Variants in ETS1 observed in about 807,000 individuals in gnomAD.
ETS1 encodes ETS proto-oncogene 1, transcription factor, also known as protein C-ets-1.
ETS1 carries 15 observed loss-of-function variants against 58.6 expected under a neutral mutation model. That is an observed-to-expected ratio of 0.26 (90% CI 0.17 to 0.39). The LOEUF is 0.39. ETS1 is among the 10% of genes least tolerant of loss of function. The probability of loss-of-function intolerance (pLI) is 1.00; values close to 1 mark genes in which losing one functional copy is unlikely to be tolerated. For synonymous variants in ETS1, 214 were observed against 218.2 expected (o/e 0.98, Z 0.17); for missense variants, 417 against 610.5 (o/e 0.68, Z 3.34).
chr11:128,521,834 G>T, intron 3 of ETS1: 1 of 1,157,456 alleles, frequency 8.6e-7, no homozygotes. Context: ...GAAGGGAACG[G>T]CGAAAGGGGG....
At chr11:128,469,280 C>A (rs73029052) in intron 8 of ETS1, among the ~76,000 whole-genome samples, 15,724 of 152,278 alleles carry the variant, frequency 0.1, 1,156 homozygotes, top group Non-Finnish European at 0.16. Flanking sequence ...TGGTTGGTCA[C>A]CCTTGCAATA....
chr11:128,573,267 T>G (rs1864675724), intron 1 of ETS1, 123 bp from the exon 2 acceptor site: 1 of 660,348 alleles, frequency 1.5e-6, no homozygotes, highest in Admixed American at 2.4e-5. Flanking sequence ...TTCACTTCTT[T>G]GCATGGCAGG....
At chr11:128,491,083 C>G (rs970122725) in intron 3 of ETS1, among the ~76,000 whole-genome samples, 4 of 152,124 alleles carry the variant, frequency 2.6e-5, no homozygotes, top group African/African-American at 9.7e-5. Context: ...GCATCCCTGA[C>G]AAACAAATAT....
chr11:128,464,863 C>G lies in ETS1; in HGVS notation c.1124-1236G>C, dbSNP rs770170793. Among the ~76,000 whole-genome samples, 2 of 152,204 alleles carry G rather than the reference C, an allele frequency of 1.3e-5. No homozygotes were observed. The highest frequency in any genetic ancestry group is 2.9e-5 in the Non-Finnish European group (2 of 68,030). On this transcript the variant is annotated intron_variant, in intron 8 of 9. Transcript: ENST00000392668. This position sits in a 1 kb window ranked among gnomAD's most constrained non-coding sequence, Gnocchi z 4.1. ...TATTTCTACAAGACATTTTCACATGCATCGTTGTGCTTGCTCCTAAAATCC... is the reference window on the plus strand; with the variant it reads ...TATTTCTACAAGACATTTTCACATGGATCGTTGTGCTTGCTCCTAAAATCC...
chr11:128,576,859 C>A (rs1159238408), intron 1 of ETS1, among the ~76,000 whole-genome samples: 1 of 152,132 alleles, frequency 6.6e-6, no homozygotes, highest in African/African-American at 2.4e-5. Context: ...GTGAACCCTG[C>A]CTCCTCAGGG....
Position 128,584,977 on chromosome 11 carries a change from A to AGAAAGAAAGAAAGAAAGGAAG in ETS1, c.-15+2510_-15+2511insCTTCCTTTCTTTCTTTCTTTC, listed in dbSNP as rs1555092866. 2.2e-4 allele frequency among the ~76,000 whole-genome samples: 4 copies of AGAAAGAAAGAAAGAAAGGAAG among 18,382 alleles called. 1 individual carries two copies. Among genetic ancestry groups the AGAAAGAAAGAAAGAAAGGAAG allele is most frequent in the South Asian group, 1.3e-3 (1 of 774 alleles). The allele number at this position is 18,382 out of a possible 152,430, so 12.1% of individuals were successfully genotyped here. On this transcript the variant is annotated intron_variant, in intron 1 of 9. Coordinates refer to ENST00000392668, the MANE Select transcript of ETS1 (RefSeq NM_001143820.2). ...AAGAAAGAAAGAAAGAAAGAAAGAA[A>AGAAAGAAAGAAAGAAAGGAAG]GAAAGAAAGAAAGGAAGGAAGGAAG...
chr11:128,486,013 G>C, intron 6 of ETS1, 56 bp downstream of exon 6: 1 of 1,005,914 alleles, frequency 9.9e-7, no homozygotes, highest in Non-Finnish European at 1.6e-6. Flanking sequence ...ACTGAGATAG[G>C]GGTCTTTTCC....
chr11:128,497,875 A>G (rs1037018958), intron 3 of ETS1, among the ~76,000 whole-genome samples: 14 of 152,212 alleles, frequency 9.2e-5, no homozygotes, highest in African/African-American at 3.4e-4. Context: ...CCGTTCCAGG[A>G]TCCCAGCCAG....
At chr11:128,542,624 G>A (rs1864073552) in intron 3 of ETS1, among the ~76,000 whole-genome samples, 1 of 152,066 alleles carries the variant, frequency 6.6e-6, no homozygotes, top group Non-Finnish European at 1.5e-5. Flanking sequence ...TCCTTAGCCT[G>A]GTGATTGGTA....
intron 8 of ETS1, among the ~76,000 whole-genome samples, chr11:128,479,617 C>T (rs1591600573): frequency 6.6e-6 from 1 of 152,286 alleles, no homozygotes; most frequent in Non-Finnish European, 1.5e-5. Context: ...AGCTTTCGCT[C>T]CTGGAAGAAA....
chr11:128,516,765 T>C (rs969324929), intron 3 of ETS1, among the ~76,000 whole-genome samples: 1 of 152,158 alleles, frequency 6.6e-6, no homozygotes, highest in East Asian at 1.9e-4. Context: ...ATATGAGGCA[T>C]AGGCAGCAAA....
chr11:128,504,187 C>T (rs1294112214), intron 3 of ETS1, among the ~76,000 whole-genome samples: 3 of 152,176 alleles, frequency 2.0e-5, no homozygotes, highest in African/African-American at 7.2e-5. Context: ...ACCTATCATA[C>T]GAGCCTACTC....
chr11:128,560,782 C>T (rs888127259), intron 2 of ETS1, among the ~76,000 whole-genome samples: 1 of 152,044 alleles, frequency 6.6e-6, no homozygotes, highest in Non-Finnish European at 1.5e-5. Flanking sequence ...TAAACCATGG[C>T]CTTAGGAGCG....
intron 2 of ETS1, among the ~76,000 whole-genome samples, chr11:128,572,556 T>C (rs1200728910): frequency 1.3e-5 from 2 of 152,206 alleles, no homozygotes; most frequent in African/African-American, 4.8e-5. Flanking sequence ...AAAAACTTCA[T>C]CCAGTCCTAT....
Position 128,535,460 on chromosome 11 carries a change from T to C in ETS1, c.214+20831A>G, listed in dbSNP as rs190773905. 4.4e-3 allele frequency among the ~76,000 whole-genome samples: 671 copies of C among 152,342 alleles called. 4 individuals are homozygous for C. The highest frequency in any genetic ancestry group is 0.015 in the African/African-American group (616 of 41,578). On this transcript the variant is annotated intron_variant, in intron 3 of 9. Coordinates refer to ENST00000392668, the MANE Select transcript of ETS1 (RefSeq NM_001143820.2). ...GATTCCATTTGTCAATTTCTGCTTTTGTTGAATTGCTTTTGATGTTTTTGT... is the reference window on the plus strand; with the variant it reads ...GATTCCATTTGTCAATTTCTGCTTTCGTTGAATTGCTTTTGATGTTTTTGT...
At chr11:128,528,411 AC>A (rs1863839529) in intron 3 of ETS1, among the ~76,000 whole-genome samples, 1 of 152,180 alleles carries the variant, frequency 6.6e-6, no homozygotes, top group South Asian at 2.1e-4. Context: ...TCTTTTCCTC[AC>A]ATGGACATTT....
chr11:128,475,406 G>T (rs1043359598), intron 8 of ETS1, among the ~76,000 whole-genome samples: 1 of 152,078 alleles, frequency 6.6e-6, no homozygotes, highest in Non-Finnish European at 1.5e-5. Flanking sequence ...ACTCAACTAC[G>T]AGCCAGAACT....
intron 3 of ETS1, among the ~76,000 whole-genome samples, chr11:128,517,090 T>A (rs1863545576): frequency 1.3e-5 from 2 of 152,190 alleles, no homozygotes; most frequent in South Asian, 4.1e-4. Flanking sequence ...TCAAACATCT[T>A]TCTAAAGCAA....
At chr11:128,573,878 A>G (rs1456751698) in intron 1 of ETS1, among the ~76,000 whole-genome samples, 4 of 152,234 alleles carry the variant, frequency 2.6e-5, no homozygotes, top group African/African-American at 9.6e-5. Context: ...TAAACTTAAT[A>G]CTATGCATTT....
Sources: gnomAD v4.1 joint callset for allele counts (sites outside exome capture counted in the v4.1 genomes callset) on GRCh38, gnomAD v4.1.1 for gene constraint, Gnocchi (gnomAD v3.1) non-coding constraint, MANE v1.5 for transcripts, NCBI Gene and HGNC (gene_info 2026-07-23, HGNC 2026-07-21) for gene names.